DCAF5: variants seen among roughly 807,000 people sequenced by gnomAD.
DCAF5 encodes DDB1 and CUL4 associated factor 5, also known as DDB1- and CUL4-associated factor 5.
DCAF5 carries 9 observed loss-of-function variants against 80.7 expected under a neutral mutation model. The observed-to-expected ratio is 0.11, with a 90% CI of 0.07 to 0.19. The LOEUF (loss-of-function observed/expected upper bound fraction) is 0.19. DCAF5 is among the 10% of genes least tolerant of loss of function. The probability of loss-of-function intolerance (pLI) is 1.00; values close to 1 mark genes in which losing one functional copy is unlikely to be tolerated. For synonymous variants in DCAF5, 433 were observed against 461.9 expected (o/e 0.94, Z 0.80); for missense variants, 842 against 1,205.7 (o/e 0.70, Z 4.47).
chr14:69,074,610 A>T (rs2038829746), intron 7 of DCAF5, among the ~76,000 whole-genome samples: 1 of 152,252 alleles, frequency 6.6e-6, no homozygotes, highest in Non-Finnish European at 1.5e-5. Context: ...CAACAAAGAA[A>T]GCCTCCCTTT....
intron 7 of DCAF5, among the ~76,000 whole-genome samples, chr14:69,067,690 G>A (rs142007200): frequency 0.011 from 1,738 of 151,596 alleles, 20 homozygotes; most frequent in Non-Finnish European, 0.015. Context: ...AGGCTGGAGT[G>A]CAGTGGCGTG....
chr14:69,078,227 C>T (rs993698796), intron 6 of DCAF5, among the ~76,000 whole-genome samples: 1 of 152,152 alleles, frequency 6.6e-6, no homozygotes, highest in African/African-American at 2.4e-5. Context: ...CTTGAACAGA[C>T]ATTTCTCCAA....
intron 1 of DCAF5, among the ~76,000 whole-genome samples, chr14:69,144,760 T>A (rs1412925284): frequency 1.3e-5 from 2 of 152,176 alleles, no homozygotes; most frequent in Admixed American, 1.3e-4. Flanking sequence ...CAGCTTTCAA[T>A]TCCTTAGGAC....
intron 6 of DCAF5, chr14:69,084,301 A>G (rs906639249): frequency 1.3e-5 from 12 of 953,506 alleles, no homozygotes; most frequent in Non-Finnish European, 1.9e-5. Flanking sequence ...CTGTGGTCAC[A>G]CCAGGCTGTC....
At chr14:69,120,960 G>C (rs1216820193) in intron 2 of DCAF5, among the ~76,000 whole-genome samples, 1 of 152,188 alleles carries the variant, frequency 6.6e-6, no homozygotes, top group Non-Finnish European at 1.5e-5. Context: ...GGAGACCTTT[G>C]AAGAGAAACT....
intron 5 of DCAF5, among the ~76,000 whole-genome samples, chr14:69,101,091 G>A (rs925398370): frequency 6.6e-6 from 1 of 152,132 alleles, no homozygotes; most frequent in African/African-American, 2.4e-5. Context: ...GGAGACCAAG[G>A]TCCTGAGTAA....
At chr14:69,143,058 G>T (rs1221483985) in intron 1 of DCAF5, among the ~76,000 whole-genome samples, 3 of 152,164 alleles carry the variant, frequency 2.0e-5, no homozygotes, top group East Asian at 1.9e-4. Context: ...TCTAGGTGAG[G>T]TGAGTGCTAG....
chr14:69,110,125 C>T (rs1209658920), intron 5 of DCAF5, among the ~76,000 whole-genome samples: 3 of 151,928 alleles, frequency 2.0e-5, no homozygotes, highest in African/African-American at 4.8e-5. Context: ...TGGTAAAGTA[C>T]CTGTTCAACA....
At chr14:69,065,753 CA>C (rs1322319399) in intron 7 of DCAF5, among the ~76,000 whole-genome samples, 28 of 152,314 alleles carry the variant, frequency 1.8e-4, no homozygotes, top group Non-Finnish European at 3.8e-4. Flanking sequence ...TAGCTAAAGT[CA>C]AAATGCCAAT....
chr14:69,122,723 A>T (rs1385970257), intron 1 of DCAF5, among the ~76,000 whole-genome samples: 1 of 152,208 alleles, frequency 6.6e-6, no homozygotes, highest in African/African-American at 2.4e-5. Flanking sequence ...TGTTTAATAG[A>T]ACCTGAGATG....
At position 69,140,287 on chromosome 14, in the gene DCAF5, A is replaced by G. The variant is rs1386967990; in HGVS notation, c.214+12478T>C. The stretch of plus-strand genomic sequence containing the variant: ...GTCTAAAAAAAAAAGAGAGAGAGAG[A>G]GAGAAGACAGAGAAAGACATTCTAC... On this transcript the variant is annotated intron_variant, in intron 1 of 8. Transcript: ENST00000341516. Among the ~76,000 whole-genome samples the G allele has an allele frequency of 2.0e-5, 3 of 151,986 alleles. No individual in the cohort carries two copies. The East Asian group carries it at 5.8e-4, about 29-fold the overall frequency.
intron 6 of DCAF5, chr14:69,083,402 C>A: frequency 3.5e-6 from 1 of 289,752 alleles, no homozygotes; most frequent in Non-Finnish European, 6.7e-6. Context: ...GACAGGATGT[C>A]TCACCTGCTG....
rs995249656 is a variant in DCAF5 at position 69,075,349 on chromosome 14, T to C, written c.942A>G (p.Glu314=). Residue 314 remains glutamate, a synonymous_variant, in exon 7 of 9, where the codon GAA becomes GAG. Transcript: ENST00000341516. ...TCATGTGAAGGATATACTTGCCTGC[T>C]TCTGGATCTGCAGGAATTCTCCACA... is the stretch of plus-strand genomic sequence containing the variant. ...LYMWRIPADP[E]AGGIGRVVNG... is the part of the protein sequence containing the mutation. 1.9e-6 allele frequency: 3 copies of C among 1,605,646 alleles called. No individual in the cohort carries two copies. The highest frequency in any genetic ancestry group is 2.6e-6 in the Non-Finnish European group (3 of 1,174,254).
At chr14:69,096,147 C>A (rs2039704755) in intron 5 of DCAF5, among the ~76,000 whole-genome samples, 1 of 152,212 alleles carries the variant, frequency 6.6e-6, no homozygotes, top group Non-Finnish European at 1.5e-5. Context: ...ACAGTCCACA[C>A]TGGTCGCATT....
rs767240058 is a variant in DCAF5 at position 69,055,135 on chromosome 14, C to T, written c.1551G>A (p.Arg517=). Reference sequence around the variant, plus strand: ...CCAGGAGGCGTTTGTCTTGGTAGCGCCGCAGAGCAGACAGACGCTGCTGGC... The same window carrying T: ...CCAGGAGGCGTTTGTCTTGGTAGCGTCGCAGAGCAGACAGACGCTGCTGGC... ...ASRQQRLSAL[R]RYQDKRLLAL... is the part of the protein sequence containing the mutation. Residue 517 remains arginine, a synonymous_variant, in exon 9 of 9, where the codon CGG becomes CGA. Transcript: ENST00000341516. This position sits in a 1 kb window ranked among gnomAD's most constrained non-coding sequence, Gnocchi z 5.6. 15 of 1,614,114 alleles carry T rather than the reference C, an allele frequency of 9.3e-6. 1 individual carries two copies. In the South Asian group the frequency reaches 1.3e-4, roughly 14 times the overall value.
chr14:69,104,383 T>A (rs934861297), intron 5 of DCAF5, among the ~76,000 whole-genome samples: 4 of 152,114 alleles, frequency 2.6e-5, no homozygotes, highest in African/African-American at 9.7e-5. Context: ...TGTACCCATT[T>A]AAAAAAATCA....
chr14:69,086,523 A>T (rs942560083), intron 6 of DCAF5, among the ~76,000 whole-genome samples: 8 of 152,034 alleles, frequency 5.3e-5, no homozygotes, highest in African/African-American at 1.9e-4. Flanking sequence ...CAACGGTTGA[A>T]TTTCCCCCAT....
intron 5 of DCAF5, among the ~76,000 whole-genome samples, chr14:69,111,394 G>C (rs1379062608): frequency 6.6e-6 from 1 of 152,144 alleles, no homozygotes; most frequent in Non-Finnish European, 1.5e-5. Context: ...CGTCTTATAA[G>C]ATAAGTCTTT....
intron 5 of DCAF5, among the ~76,000 whole-genome samples, chr14:69,112,594 TACACACACACAC>T (rs3044674): frequency 1.3e-4 from 19 of 145,246 alleles, no homozygotes; most frequent in South Asian, 1.1e-3. Flanking sequence ...TATATATGTA[TACACACACACAC>T]ACACACACAC....
Sources: allele counts gnomAD v4.1 joint callset (sites outside exome capture counted in the v4.1 genomes callset), GRCh38; gene constraint gnomAD v4.1.1; non-coding constraint Gnocchi (gnomAD v3.1); transcripts MANE v1.5; gene names NCBI Gene and HGNC (gene_info 2026-07-23, HGNC 2026-07-21).